The following PRAG1 variants were observed in gnomAD, a reference collection of about 807,000 sequenced individuals.
The protein encoded by PRAG1 is inactive tyrosine-protein kinase PRAG1.
A neutral mutation model predicts 95.6 loss-of-function variants in PRAG1; 110 were observed. The observed-to-expected ratio is 1.15, with a 90% CI of 0.99 to 1.35. The LOEUF is 1.35. Among genes scored for constraint, PRAG1 ranks in the 40% most tolerant of loss-of-function variants. The pLI, the probability that PRAG1 is intolerant of heterozygous loss-of-function variation, is 0.00. For synonymous variants in PRAG1, 1,052 were observed against 819.4 expected (o/e 1.28, Z -4.85); for missense variants, 2,554 against 1,864.7 (o/e 1.37, Z -6.81).
chr8:8,353,670 T>C (rs1393878007), intron 3 of PRAG1, among the ~76,000 whole-genome samples: 1 of 152,028 alleles, frequency 6.6e-6, no homozygotes, highest in Non-Finnish European at 1.5e-5. Flanking sequence ...AAACCACGTG[T>C]GGCGCTTATG....
At chr8:8,352,200 G>A (rs928505206) in intron 3 of PRAG1, among the ~76,000 whole-genome samples, 27 of 152,196 alleles carry the variant, frequency 1.8e-4, no homozygotes, top group African/African-American at 6.3e-4. Flanking sequence ...CATTCTTCAC[G>A]CTGGGGCAGC....
chr8:8,352,862 A>C (rs1799568288), intron 3 of PRAG1, among the ~76,000 whole-genome samples: 1 of 152,188 alleles, frequency 6.6e-6, no homozygotes, highest in Admixed American at 6.5e-5. Context: ...CTGAAGGTGA[A>C]GGGAAGGAAG....
chr8:8,367,863 A>C (rs112908162), intron 3 of PRAG1, among the ~76,000 whole-genome samples: 2 of 152,010 alleles, frequency 1.3e-5, no homozygotes, highest in African/African-American at 4.8e-5. Context: ...GGATGGTCTC[A>C]ATCTCCTGAC....
intron 3 of PRAG1, among the ~76,000 whole-genome samples, chr8:8,364,029 T>G (rs1289344661): frequency 1.3e-5 from 2 of 152,220 alleles, no homozygotes; most frequent in African/African-American, 4.8e-5. Flanking sequence ...TCTAACTCCC[T>G]GCTACTATAA....
chr8:8,357,565 T>C (rs563294883), intron 3 of PRAG1, among the ~76,000 whole-genome samples: 18 of 152,124 alleles, frequency 1.2e-4, no homozygotes, highest in African/African-American at 3.4e-4. Flanking sequence ...TGTGGAGAAA[T>C]TGGAACCCTT....
At chr8:8,342,629 A>T (rs1799210327) in intron 3 of PRAG1, among the ~76,000 whole-genome samples, 1 of 152,190 alleles carries the variant, frequency 6.6e-6, no homozygotes, top group South Asian at 2.1e-4. Context: ...TAAATCTAGG[A>T]CCAACATTTC....
At chr8:8,324,788 G>A (rs1798581888) in intron 5 of PRAG1, among the ~76,000 whole-genome samples, 1 of 152,178 alleles carries the variant, frequency 6.6e-6, no homozygotes, top group Admixed American at 6.5e-5. Context: ...TTAAAACGGG[G>A]CCCTAATTAC....
intron 1 of PRAG1, among the ~76,000 whole-genome samples, chr8:8,384,685 G>C (rs1454433005): frequency 6.8e-6 from 1 of 147,916 alleles, no homozygotes; most frequent in Non-Finnish European, 1.5e-5. Context: ...TTTGTTTTAA[G>C]TAAAAGATGG....
chr8:8,362,795 C>T (rs1328367543), intron 3 of PRAG1, among the ~76,000 whole-genome samples: 1 of 152,186 alleles, frequency 6.6e-6, no homozygotes, highest in Non-Finnish European at 1.5e-5. Context: ...ATTGCTCTGT[C>T]CTATCTCTAC....
chr8:8,360,677 AG>A (rs1299540517), intron 3 of PRAG1, among the ~76,000 whole-genome samples: 2 of 152,232 alleles, frequency 1.3e-5, no homozygotes, highest in African/African-American at 4.8e-5. Flanking sequence ...TCCTTGCCCA[AG>A]GGGGCTTTCT....
At chr8:8,360,273 GCCCT>G (rs1376833566) in intron 3 of PRAG1, among the ~76,000 whole-genome samples, 1 of 152,036 alleles carries the variant, frequency 6.6e-6, no homozygotes, top group African/African-American at 2.4e-5. Flanking sequence ...CATCTGTCTT[GCCCT>G]CCCTGTCTTC....
At chr8:8,324,418 T>TC (rs1798566938) in intron 5 of PRAG1, among the ~76,000 whole-genome samples, 1 of 152,114 alleles carries the variant, frequency 6.6e-6, no homozygotes, top group African/African-American at 2.4e-5. Flanking sequence ...CGCAGCTTCC[T>TC]CAAAGGCCAG....
At chr8:8,345,134 TTAGTTTCTAAG>T (rs1799293440) in intron 3 of PRAG1, among the ~76,000 whole-genome samples, 1 of 150,948 alleles carries the variant, frequency 6.6e-6, no homozygotes, top group African/African-American at 2.4e-5. Flanking sequence ...TTGGTAAATC[TTAGTTTCTAAG>T]CCACAAGTGG....
intron 4 of PRAG1, among the ~76,000 whole-genome samples, chr8:8,336,630 C>T (rs1421751827): frequency 6.6e-6 from 1 of 152,100 alleles, no homozygotes; most frequent in African/African-American, 2.4e-5. Context: ...AGAATAAGCA[C>T]CTGTTTTAAA....
rs530401212 is a variant in PRAG1, at chr8:8,360,941, G to A, written c.2162+15306C>T. Among the ~76,000 whole-genome samples, 19 of 152,268 alleles carry A rather than the reference G, an allele frequency of 1.2e-4. 2 individuals are homozygous for A. The South Asian group carries it at 3.7e-3, about 30-fold the overall frequency. ...GCCAGAATATTTTGACCTGGAGGAT[G>A]TTCACATTCCCAAATTGCCATAGCG... is the stretch of plus-strand genomic sequence containing the variant. On this transcript the variant is annotated intron_variant, in intron 3 of 5. Coordinates refer to ENST00000615670, the MANE Select transcript of PRAG1 (RefSeq NM_001080826.3).
chr8:8,335,000 G>A (rs948992054), intron 4 of PRAG1, among the ~76,000 whole-genome samples: 9 of 152,060 alleles, frequency 5.9e-5, no homozygotes, highest in African/African-American at 2.2e-4. Context: ...GAACCCTGGA[G>A]GTGGGGCTTG....
chr8:8,327,696 G>A lies in PRAG1; in HGVS notation c.3072+14C>T. 1.3e-6 allele frequency: 2 copies of A among 1,598,092 alleles called. No homozygotes were observed. Among genetic ancestry groups the A allele is most frequent in the African/African-American group, 1.3e-5 (1 of 74,832 alleles). The stretch of plus-strand genomic sequence containing the variant: ...CAGTGGCACAGCAGAATGCAAGGAG[G>A]GAGTGGTACCTACTTTCACAGCATA... On this transcript the variant is annotated intron_variant, in intron 5 of 5. Transcript: ENST00000615670.
intron 5 of PRAG1, among the ~76,000 whole-genome samples, chr8:8,326,942 A>G (rs1445241875): frequency 1.3e-5 from 2 of 152,168 alleles, no homozygotes; most frequent in African/African-American, 4.8e-5. Context: ...TATTATTACT[A>G]TTATTGTTCA....
At chr8:8,361,456 G>A (rs547622326) in intron 3 of PRAG1, among the ~76,000 whole-genome samples, 1,813 of 152,178 alleles carry the variant, frequency 0.012, 21 homozygotes, top group South Asian at 0.023. Flanking sequence ...GTGGCAGTGG[G>A]TTATTAAGAA....
Sources: gnomAD v4.1 joint callset for allele counts (sites outside exome capture counted in the v4.1 genomes callset) on GRCh38, gnomAD v4.1.1 for gene constraint, MANE v1.5 for transcripts, NCBI Gene and HGNC (gene_info 2026-07-23, HGNC 2026-07-21) for gene names.